ATOSA: variants seen among roughly 807,000 people sequenced by gnomAD.
The protein encoded by ATOSA is atos homolog protein A.
the ATOSA span, among the ~76,000 whole-genome samples, chr15:52,583,018 G>C: frequency 1.3e-5 from 2 of 152,110 alleles, no homozygotes; most frequent in African/African-American, 4.8e-5. Flanking sequence ...TACTCTCTGG[G>C]TTTGTGGATT....
the ATOSA span, among the ~76,000 whole-genome samples, chr15:52,621,993 C>G: frequency 6.6e-6 from 1 of 151,850 alleles, no homozygotes; most frequent in Non-Finnish European, 1.5e-5. Flanking sequence ...ATCACAGGTG[C>G]GCTCCACCAT....
At chr15:52,696,862 A>C in the ATOSA span, among the ~76,000 whole-genome samples, 2 of 151,350 alleles carry the variant, frequency 1.3e-5, no homozygotes, top group Non-Finnish European at 2.9e-5. Flanking sequence ...TAAATATATA[A>C]TATTTAACCT....
chr15:52,629,520 A>G, the ATOSA span: 1 of 192,934 alleles, frequency 5.2e-6, no homozygotes, highest in Non-Finnish European at 1.1e-5. Context: ...AAAAAAAAAA[A>G]AGGCCAGGCA....
chr15:52,678,278 C>T, the ATOSA span: 3 of 601,280 alleles, frequency 5.0e-6, no homozygotes, highest in South Asian at 6.0e-5. Context: ...CCGCCTCCCC[C>T]ATCTCCTCCG....
chr15:52,697,302 G>A, the ATOSA span, among the ~76,000 whole-genome samples: 1 of 152,090 alleles, frequency 6.6e-6, no homozygotes, highest in African/African-American at 2.4e-5. Flanking sequence ...GCCTTCTCAG[G>A]CCAAATGAGT....
At chr15:52,639,897 C>T in the ATOSA span, among the ~76,000 whole-genome samples, 1 of 151,780 alleles carries the variant, frequency 6.6e-6, no homozygotes, top group Non-Finnish European at 1.5e-5. Context: ...ATTACAGGCA[C>T]CCGCCACCAT....
the ATOSA span, among the ~76,000 whole-genome samples, chr15:52,597,521 C>A: frequency 6.6e-6 from 1 of 152,064 alleles, no homozygotes; most frequent in Non-Finnish European, 1.5e-5. Flanking sequence ...CAAGCCACCC[C>A]CTAAGAGTAA....
At chr15:52,693,590 C>T in the ATOSA span, among the ~76,000 whole-genome samples, 2 of 152,000 alleles carry the variant, frequency 1.3e-5, no homozygotes, top group Admixed American at 1.3e-4. Flanking sequence ...CATACTATCA[C>T]TTAGAAATAA....
the ATOSA span, among the ~76,000 whole-genome samples, chr15:52,626,112 T>C: frequency 6.6e-6 from 1 of 152,242 alleles, no homozygotes; most frequent in South Asian, 2.1e-4. Context: ...GATATACATC[T>C]TTCCCCATTA....
chr15:52,696,728 G>C, the ATOSA span, among the ~76,000 whole-genome samples: 1 of 151,914 alleles, frequency 6.6e-6, no homozygotes, highest in African/African-American at 2.4e-5. Flanking sequence ...AATTATATTA[G>C]ACCTACCACT....
At chr15:52,623,394 G>A in the ATOSA span, among the ~76,000 whole-genome samples, 2 of 152,090 alleles carry the variant, frequency 1.3e-5, no homozygotes, top group Non-Finnish European at 2.9e-5. Flanking sequence ...GGTTATTATA[G>A]TTGTCCAGGG....
the ATOSA span, among the ~76,000 whole-genome samples, chr15:52,684,861 G>A: frequency 6.3e-3 from 960 of 152,254 alleles, 7 homozygotes; most frequent in African/African-American, 0.022. Context: ...ACAGGCATGA[G>A]CCACCATGCC....
chr15:52,609,817 A>G, the ATOSA span: 1 of 1,613,456 alleles, frequency 6.2e-7, no homozygotes, highest in South Asian at 1.1e-5. Context: ...CTCCTGAATT[A>G]AAGAGCCTAT....
the ATOSA span, chr15:52,600,989 A>T: frequency 1.3e-6 from 1 of 760,032 alleles, no homozygotes; most frequent in Non-Finnish European, 2.2e-6. Flanking sequence ...GATTCCTGTT[A>T]CAATTCTGAT....
chr15:52,592,270 A>T, the ATOSA span, among the ~76,000 whole-genome samples: 5 of 152,278 alleles, frequency 3.3e-5, no homozygotes, highest in African/African-American at 9.6e-5. Context: ...AAGCAGCAAG[A>T]CTAGGCTATA....
chr15:52,706,665 T>C, the ATOSA span, among the ~76,000 whole-genome samples: 2 of 152,252 alleles, frequency 1.3e-5, no homozygotes, highest in South Asian at 2.1e-4. Context: ...AGGACAATAA[T>C]GATTATAACT....
chr15:52,685,214 G>C, the ATOSA span, among the ~76,000 whole-genome samples: 1 of 152,272 alleles, frequency 6.6e-6, no homozygotes, highest in African/African-American at 2.4e-5. Context: ...CAAATTCTGT[G>C]CTTAGGAAAC....
At chr15:52,671,695 A>T in the ATOSA span, among the ~76,000 whole-genome samples, 2 of 152,112 alleles carry the variant, frequency 1.3e-5, no homozygotes, top group Non-Finnish European at 2.9e-5. Flanking sequence ...TTCACTGAGC[A>T]CTTTGGATAG....
At chr15:52,674,807 C>T in the ATOSA span, among the ~76,000 whole-genome samples, 50 of 150,980 alleles carry the variant, frequency 3.3e-4, 1 homozygote, top group Non-Finnish European at 6.9e-4. Context: ...ATTTGTAATG[C>T]TTATATATAA....
Sources: gnomAD v4.1 joint callset for allele counts (sites outside exome capture counted in the v4.1 genomes callset) on GRCh38, gnomAD v4.1.1 for gene constraint, MANE v1.5 for transcripts, NCBI Gene and HGNC (gene_info 2026-07-23, HGNC 2026-07-21) for gene names.